Variants in GGACT observed in about 807,000 individuals in gnomAD.
GGACT encodes the protein gamma-glutamylaminecyclotransferase.
For synonymous variants in GGACT, 118 were observed against 115.3 expected (o/e 1.02, Z -0.15); for missense variants, 241 against 233.2 (o/e 1.03, Z -0.22).
chr13:100,532,638 T>G, intron 2 of GGACT, 37 bp from the exon 3 acceptor site: 1 of 1,466,558 alleles, frequency 6.8e-7, no homozygotes, highest in Non-Finnish European at 9.2e-7. Context: ...CAGCCCGCAG[T>G]GGGAGCTCTG....
At chr13:100,587,589 G>A (rs1420378397) in intron 1 of GGACT, among the ~76,000 whole-genome samples, 1 of 152,206 alleles carries the variant, frequency 6.6e-6, no homozygotes. Flanking sequence ...ATTGAATGAG[G>A]CCAGGGAAAA....
intron 2 of GGACT, among the ~76,000 whole-genome samples, chr13:100,562,135 T>A (rs1214636603): frequency 6.6e-6 from 1 of 152,038 alleles, no homozygotes; most frequent in Non-Finnish European, 1.5e-5. Context: ...AGCTTCAACC[T>A]AAAGCTCAAA....
chr13:100,538,930 TTGCC>T (rs1460503527), intron 2 of GGACT: 1 of 152,266 alleles, frequency 6.6e-6, no homozygotes, highest in Non-Finnish European at 1.5e-5. Flanking sequence ...TGTACACATC[TTGCC>T]TGCTTGGTTA....
intron 2 of GGACT, among the ~76,000 whole-genome samples, chr13:100,546,156 C>T (rs148188019): frequency 3.4e-3 from 513 of 151,838 alleles, no homozygotes; most frequent in African/African-American, 0.012. Context: ...GACAGGAGAT[C>T]GAGACTATCC....
intron 2 of GGACT, among the ~76,000 whole-genome samples, chr13:100,544,319 G>A (rs2088584412): frequency 6.6e-6 from 1 of 152,250 alleles, no homozygotes; most frequent in Non-Finnish European, 1.5e-5. Flanking sequence ...GTGTGCGCGA[G>A]GCGGGCCCTA....
intron 2 of GGACT, among the ~76,000 whole-genome samples, chr13:100,547,897 A>C (rs957691558): frequency 1.3e-5 from 2 of 152,226 alleles, no homozygotes; most frequent in African/African-American, 4.8e-5. Context: ...CCACGAAGAA[A>C]CACAGCAAAC....
intron 2 of GGACT, among the ~76,000 whole-genome samples, chr13:100,550,580 C>G (rs961190831): frequency 1.3e-5 from 2 of 152,190 alleles, no homozygotes; most frequent in African/African-American, 4.8e-5. Context: ...GGGTGGAACC[C>G]AGGACCCTAG....
In GGACT at chr13:100,543,950, G is replaced by A. The variant is rs537723667; in HGVS notation, c.-10-11349C>T. 9.0e-4 allele frequency among the ~76,000 whole-genome samples: 137 copies of A among 152,292 alleles called. 1 individual carries two copies. Among genetic ancestry groups the A allele is most frequent in the African/African-American group, 3.0e-3 (126 of 41,556 alleles). Reference sequence around the variant, plus strand: ...GACTCACGAAGGGCATGGTGATCACGGCTGTACACTGGTTTCAAGGACACC... The same window carrying A: ...GACTCACGAAGGGCATGGTGATCACAGCTGTACACTGGTTTCAAGGACACC... On this transcript the variant is annotated intron_variant, in intron 2 of 2. Coordinates refer to ENST00000683975, the MANE Select transcript of GGACT (RefSeq NM_001195087.2).
intron 2 of GGACT, among the ~76,000 whole-genome samples, chr13:100,555,698 T>G (rs1325471751): frequency 2.0e-5 from 3 of 151,766 alleles, no homozygotes; most frequent in African/African-American, 7.3e-5. Flanking sequence ...AAAGAAAAAA[T>G]TACAGGCCAC....
chr13:100,571,341 A>G (rs1875076203), intron 2 of GGACT, among the ~76,000 whole-genome samples: 1 of 152,234 alleles, frequency 6.6e-6, no homozygotes, highest in Non-Finnish European at 1.5e-5. Context: ...TATTTAATGC[A>G]AAGATATTAC....
At chr13:100,546,940 C>T (rs114600078) in intron 2 of GGACT, among the ~76,000 whole-genome samples, 27 of 152,306 alleles carry the variant, frequency 1.8e-4, no homozygotes, top group African/African-American at 4.8e-4. Context: ...CACGGCCCGG[C>T]GCATGCAGTA....
chr13:100,577,554 C>T lies in GGACT; in HGVS notation c.-11+6271G>A, dbSNP rs547633016. The stretch of plus-strand genomic sequence containing the variant: ...ATTTATGTAAAAAACCCTCAAAATT[C>T]ATAATAAAATATTTGGGGGTGAAAT... On this transcript the variant is annotated intron_variant, in intron 2 of 2. Coordinates refer to ENST00000683975, the MANE Select transcript of GGACT (RefSeq NM_001195087.2). 2.0e-5 allele frequency among the ~76,000 whole-genome samples: 3 copies of T among 152,054 alleles called. No homozygotes were observed. In the East Asian group the frequency reaches 5.8e-4, roughly 29 times the overall value.
chr13:100,580,268 T>C (rs1875376147), intron 2 of GGACT, among the ~76,000 whole-genome samples: 1 of 152,138 alleles, frequency 6.6e-6, no homozygotes, highest in South Asian at 2.1e-4. Context: ...ACTTTGCACA[T>C]GTGATTAATT....
intron 2 of GGACT, chr13:100,580,222 G>C (rs1875374374): frequency 6.6e-6 from 1 of 152,282 alleles, no homozygotes; most frequent in Non-Finnish European, 1.5e-5. Context: ...CCTAATCCCT[G>C]GAACTTTTGA....
intron 2 of GGACT, among the ~76,000 whole-genome samples, chr13:100,549,526 G>A (rs2088638141): frequency 6.6e-6 from 1 of 152,224 alleles, no homozygotes; most frequent in South Asian, 2.1e-4. Flanking sequence ...TGAAAACTGG[G>A]CAACAAGTTG....
At chr13:100,562,491 C>T (rs1173040954) in intron 2 of GGACT, among the ~76,000 whole-genome samples, 4 of 152,240 alleles carry the variant, frequency 2.6e-5, no homozygotes, top group Admixed American at 2.0e-4. Flanking sequence ...CAAAGTCACA[C>T]CACTGGTAAG....
intron 2 of GGACT, among the ~76,000 whole-genome samples, chr13:100,574,841 AATATC>A (rs1270284622): frequency 6.6e-6 from 1 of 152,284 alleles, no homozygotes; most frequent in South Asian, 2.1e-4. Flanking sequence ...CTTCCTCCAG[AATATC>A]ATATAATATA....
chr13:100,537,382 G>T (rs1038264504), intron 2 of GGACT: 1 of 152,434 alleles, frequency 6.6e-6, no homozygotes, highest in African/African-American at 2.4e-5. Context: ...CAGAGTGAGG[G>T]CTGGGTAGAG....
At chr13:100,546,231 G>A (rs1012134151) in intron 2 of GGACT, among the ~76,000 whole-genome samples, 2 of 151,804 alleles carry the variant, frequency 1.3e-5, no homozygotes, top group East Asian at 1.9e-4. Context: ...GCATGGTGGC[G>A]GGCGCCTATA....
Sources: gnomAD v4.1 joint callset for allele counts (sites outside exome capture counted in the v4.1 genomes callset) on GRCh38, gnomAD v4.1.1 for gene constraint, MANE v1.5 for transcripts, NCBI Gene and HGNC (gene_info 2026-07-23, HGNC 2026-07-21) for gene names.